Variants in WARS1 observed in about 807,000 individuals in gnomAD.
The protein encoded by WARS1 is tryptophanyl-tRNA synthetase 1.
WARS1 carries 17 observed loss-of-function variants against 47.8 expected under a neutral mutation model. That is an observed-to-expected ratio of 0.36 (90% CI 0.24 to 0.53). WARS1 has a LOEUF of 0.53. Ranked by LOEUF, WARS1 falls within the 20% of genes least tolerant of loss-of-function variation. The pLI is 0.91. For synonymous variants in WARS1, 208 were observed against 228.1 expected, an observed-to-expected ratio of 0.91 and a Z score of 0.79; for missense variants, 434 against 608.0, an observed-to-expected ratio of 0.71 and a Z score of 3.01.
intron 7 of WARS1, among the ~76,000 whole-genome samples, chr14:100,344,683 T>C (rs1184426723): frequency 2.7e-5 from 4 of 147,694 alleles, no homozygotes; most frequent in Non-Finnish European, 5.9e-5. Context: ...GTGAGGAGTG[T>C]CTCTGCCCGG....
intron 2 of WARS1, among the ~76,000 whole-genome samples, chr14:100,363,949 A>G (rs1217185553): frequency 1.3e-5 from 2 of 152,134 alleles, no homozygotes; most frequent in Non-Finnish European, 2.9e-5. Flanking sequence ...CAGAAAAAAA[A>G]GCCAGACACA....
chr14:100,362,168 ATC>A (rs1279016686), intron 2 of WARS1, among the ~76,000 whole-genome samples: 3 of 152,180 alleles, frequency 2.0e-5, no homozygotes, highest in African/African-American at 7.2e-5. Context: ...CTTCATTTTT[ATC>A]TGTTATTCTA....
intron 7 of WARS1, among the ~76,000 whole-genome samples, chr14:100,345,086 G>C (rs1894495149): frequency 1.3e-5 from 2 of 149,446 alleles, no homozygotes; most frequent in East Asian, 2.0e-4. Context: ...CGCCCCGTCC[G>C]GGAGGTGAGG....
In WARS1 at chr14:100,346,725, C is replaced by T; in HGVS notation, c.826+21G>A. On this transcript the variant is annotated intron_variant, in intron 7 of 10. Coordinates refer to ENST00000392882, the MANE Select transcript of WARS1 (RefSeq NM_004184.4). Reference sequence around the variant, plus strand: ...TTTGAAGGGTGCAGGGAGTGGTCCACAGCAGCAGTGGGCCTCTTACCAATG... The same window carrying T: ...TTTGAAGGGTGCAGGGAGTGGTCCATAGCAGCAGTGGGCCTCTTACCAATG... 4 of 1,599,256 alleles carry T rather than the reference C, an allele frequency of 2.5e-6. No individual in the cohort carries two copies. In the Admixed American group the frequency reaches 5.0e-5, roughly 20 times the overall value.
At chr14:100,370,679 G>A (rs1480470069) in intron 1 of WARS1, among the ~76,000 whole-genome samples, 1 of 152,026 alleles carries the variant, frequency 6.6e-6, no homozygotes, top group Non-Finnish European at 1.5e-5. Context: ...TTTTATAGAT[G>A]AGGCACAGAG....
rs1893572988 is a variant in WARS1 at position 100,334,469 on chromosome 14, A to C, written c.*406T>G. 1 of 153,946 alleles carries C rather than the reference A, an allele frequency of 6.5e-6. No individual in the cohort carries two copies. The highest frequency in any genetic ancestry group is 1.4e-5 in the Non-Finnish European group (1 of 69,136). The allele number at this position is 153,946 out of a possible 1,614,324, so 9.5% of individuals were successfully genotyped here. The stretch of plus-strand genomic sequence containing the variant: ...TCTAGGTTACAATAATGACATTTCA[A>C]TTCCATATACGCATACATAGAATAT... On this transcript the variant is annotated 3_prime_UTR_variant, in exon 11 of 11. Coordinates refer to ENST00000392882, the MANE Select transcript of WARS1 (RefSeq NM_004184.4).
At chr14:100,353,998 G>A in intron 5 of WARS1, 129 bp from the exon 6 acceptor site, 3 of 795,562 alleles carry the variant, frequency 3.8e-6, no homozygotes, top group Non-Finnish European at 5.9e-6. Flanking sequence ...ATCACAATTT[G>A]AATTGTGATA....
chr14:100,358,004 A>G (rs2140025095), intron 4 of WARS1, among the ~76,000 whole-genome samples: 1 of 152,360 alleles, frequency 6.6e-6, no homozygotes, highest in African/African-American at 2.4e-5. Flanking sequence ...GAATCTACAG[A>G]TTCAGTGCAA....
chr14:100,368,662 A>C (rs1354692447), intron 2 of WARS1, among the ~76,000 whole-genome samples: 2 of 152,218 alleles, frequency 1.3e-5, no homozygotes, highest in African/African-American at 4.8e-5. Flanking sequence ...GGAAAAATAC[A>C]TTTAAAACTA....
chr14:100,370,238 C>T (rs1369856105), intron 1 of WARS1: 3 of 152,104 alleles, frequency 2.0e-5, no homozygotes, highest in Non-Finnish European at 4.4e-5. Flanking sequence ...CATTATAACC[C>T]TTGCAGGAAG....
At chr14:100,366,787 G>C in intron 2 of WARS1, 1 of 1,198,988 alleles carries the variant, frequency 8.3e-7, no homozygotes, top group South Asian at 1.2e-5. Context: ...GAAGATACAT[G>C]GGTGGCTTTG....
intron 1 of WARS1, among the ~76,000 whole-genome samples, chr14:100,369,847 A>G (rs1448682665): frequency 1.3e-5 from 2 of 151,938 alleles, no homozygotes; most frequent in Admixed American, 1.3e-4. Flanking sequence ...TATTTTTAGT[A>G]GAGGGAGGGT....
chr14:100,361,946 G>C (rs1410984961), intron 2 of WARS1, 25 bp from the exon 3 acceptor site: 1 of 1,610,338 alleles, frequency 6.2e-7, no homozygotes, highest in South Asian at 1.1e-5. Context: ...AAAAGGGATG[G>C]CTAAAAGTAT....
At chr14:100,366,753 A>G in intron 2 of WARS1, 1 of 918,134 alleles carries the variant, frequency 1.1e-6, no homozygotes, top group Non-Finnish European at 1.8e-6. Context: ...GGGCTAAGGG[A>G]TCCGTGGGGC....
At chr14:100,335,108 C>T in intron 10 of WARS1, 72 bp from the exon 11 acceptor site, 4 of 1,495,070 alleles carry the variant, frequency 2.7e-6, no homozygotes, top group Non-Finnish European at 2.7e-6. Flanking sequence ...GCCTCGGGCA[C>T]CAGCTCAGCC....
Position 100,369,253 on chromosome 14 carries a change from TCAA to T in WARS1, c.-71_-69del. 2.3e-6 allele frequency: 2 copies of T among 856,830 alleles called. No homozygotes were observed. The highest frequency in any genetic ancestry group is 3.1e-6 in the Non-Finnish European group (2 of 654,382). 53.1% of individuals were successfully genotyped at this position (856,830 alleles called of 1,614,324 possible). A position where few individuals can be genotyped will look rare whatever the true frequency, so the allele number is the denominator to read the frequency against. Reference sequence around the variant, plus strand: ...TCAGAGGATTTGTTCAGCAGACGAGTCAAGACTGGGGTGGGGGCGGGGAAGGAG... The same window carrying T: ...TCAGAGGATTTGTTCAGCAGACGAGTGACTGGGGTGGGGGCGGGGAAGGAG... On this transcript the variant is annotated splice_region_variant and 5_prime_UTR_variant, in exon 2 of 11. Coordinates refer to ENST00000392882, the MANE Select transcript of WARS1 (RefSeq NM_004184.4).
Position 100,353,887 on chromosome 14 carries a change from G to T in WARS1, c.543-18C>A. Reference sequence around the variant, plus strand: ...GGAGCCACCTAAAGAAACACAGGGGGAGAAAGCTGACGTCTCATCTCCCCT... The same window carrying T: ...GGAGCCACCTAAAGAAACACAGGGGTAGAAAGCTGACGTCTCATCTCCCCT... On this transcript the variant is annotated intron_variant, in intron 5 of 10. Coordinates refer to ENST00000392882, the MANE Select transcript of WARS1 (RefSeq NM_004184.4). 6.2e-7 allele frequency: 1 copy of T among 1,609,144 alleles called. No homozygotes were observed.
At chr14:100,369,622 C>G (rs912239723) in intron 1 of WARS1, among the ~76,000 whole-genome samples, 4 of 151,986 alleles carry the variant, frequency 2.6e-5, no homozygotes, top group African/African-American at 7.2e-5. Context: ...GGTATAAATA[C>G]CAATGTGTTT....
intron 2 of WARS1, among the ~76,000 whole-genome samples, chr14:100,367,797 A>G (rs1896097879): frequency 6.6e-6 from 1 of 152,048 alleles, no homozygotes; most frequent in African/African-American, 2.4e-5. Flanking sequence ...TCCAGGGGAA[A>G]TCACTTCCAT....
Sources: allele counts gnomAD v4.1 joint callset (sites outside exome capture counted in the v4.1 genomes callset), GRCh38; gene constraint gnomAD v4.1.1; transcripts MANE v1.5; gene names NCBI Gene and HGNC (gene_info 2026-07-23, HGNC 2026-07-21).